Variants in PTK7 observed in about 807,000 individuals in gnomAD.
PTK7 encodes the protein inactive tyrosine-protein kinase 7.
In PTK7, 39 loss-of-function variants were observed where a neutral mutation model predicts 116.6. The ratio of observed to expected loss-of-function variants is 0.33; its 90% CI spans 0.26 to 0.44. The LOEUF (loss-of-function observed/expected upper bound fraction) is 0.44. PTK7 is among the 20% of genes least tolerant of loss of function. PTK7 has a pLI of 1.00. For synonymous variants in PTK7, 546 were observed against 563.6 expected (o/e 0.97, Z 0.44); for missense variants, 1,169 against 1,425.6 (o/e 0.82, Z 2.90).
At position 43,132,715 on chromosome 6, in the gene PTK7, G is replaced by A. The variant is rs1431501463; in HGVS notation, c.1228+28G>A. ...GAGCACCTTTGCCCTGAAGGTCAAG[G>A]AGAGGTGGAGGGGAACACAGGTCTG... is the stretch of plus-strand genomic sequence containing the variant. On this transcript the variant is annotated intron_variant, in intron 7 of 19. Coordinates refer to ENST00000230419, the MANE Select transcript of PTK7 (RefSeq NM_002821.5). The A allele has an allele frequency of 1.5e-5, 24 of 1,552,650 alleles. No homozygotes were observed. In the African/African-American group the frequency reaches 2.2e-4, roughly 14 times the overall value.
intron 1 of PTK7, among the ~76,000 whole-genome samples, chr6:43,114,197 C>T (rs1352069574): frequency 6.6e-6 from 1 of 152,178 alleles, no homozygotes; most frequent in East Asian, 1.9e-4. Flanking sequence ...GTCACGTGTG[C>T]GTGCTGTTTC....
At chr6:43,108,599 ACC>A (rs958576205) in intron 1 of PTK7, among the ~76,000 whole-genome samples, 1 of 149,132 alleles carries the variant, frequency 6.7e-6, no homozygotes, top group African/African-American at 2.5e-5. Context: ...ACGGGGTTTT[ACC>A]GTGTTGCCCA....
chr6:43,125,939 C>G (rs901297011), intron 1 of PTK7, among the ~76,000 whole-genome samples: 6 of 152,120 alleles, frequency 3.9e-5, no homozygotes, highest in African/African-American at 1.4e-4. Flanking sequence ...AGAAGCTGAG[C>G]GAGGAAGTGG....
At position 43,139,166 on chromosome 6, in the gene PTK7, A is replaced by G. The variant is rs1370041910; in HGVS notation, c.1393A>G (p.Thr465Ala). The G allele has an allele frequency of 5.0e-6, 8 of 1,613,978 alleles. No individual in the cohort carries two copies. The highest frequency in any genetic ancestry group is 6.8e-6 in the Non-Finnish European group (8 of 1,180,032). Residue 465 changes from threonine to alanine, a missense_variant, in exon 9 of 20, where the codon ACC (threonine) becomes GCC (alanine). Thr to Ala is a moderately conservative substitution (Grantham distance 58, BLOSUM62 0). This residue lies in a region of PTK7 where 678 missense variants were observed against 853.8 expected (regional missense o/e 0.79). Transcript: ENST00000230419. The surrounding 1 kb of genome is among the most constrained non-coding windows in gnomAD (Gnocchi z 4.6). Reference sequence around the variant, plus strand: ...ACGGTTCGAGGTCTTCAAGAATGGGACCTTGCGCATCAACAGCGTGGAGGT... The same window carrying G: ...ACGGTTCGAGGTCTTCAAGAATGGGGCCTTGCGCATCAACAGCGTGGAGGT... Reference protein sequence around the residue: ...DSRFEVFKNGTLRINSVEVYD... With the variant: ...DSRFEVFKNGALRINSVEVYD...
intron 7 of PTK7, among the ~76,000 whole-genome samples, chr6:43,136,265 G>A (rs1398650064): frequency 1.3e-5 from 2 of 152,042 alleles, no homozygotes; most frequent in Admixed American, 6.6e-5. Flanking sequence ...AACCTGGGAG[G>A]TGGAGGTTGC....
chr6:43,096,666 C>T (rs1767275887), intron 1 of PTK7, among the ~76,000 whole-genome samples: 1 of 152,214 alleles, frequency 6.6e-6, no homozygotes, highest in South Asian at 2.1e-4. Context: ...GCACTTCCTG[C>T]CTTTTGCTGC....
chr6:43,149,719 A>T (rs2150465286), intron 17 of PTK7, among the ~76,000 whole-genome samples: 1 of 152,348 alleles, frequency 6.6e-6, no homozygotes, highest in East Asian at 1.9e-4. Context: ...CATTTTACTC[A>T]TGATCTGGTG....
intron 10 of PTK7, among the ~76,000 whole-genome samples, chr6:43,140,607 G>C (rs1032117541): frequency 6.6e-6 from 1 of 151,822 alleles, no homozygotes; most frequent in Admixed American, 6.6e-5. Flanking sequence ...TACATGATTG[G>C]CTGAGTGTGG....
chr6:43,107,025 C>T (rs1019571712), intron 1 of PTK7, among the ~76,000 whole-genome samples: 4 of 151,824 alleles, frequency 2.6e-5, no homozygotes, highest in Admixed American at 2.0e-4. Context: ...CAGGTTAAAG[C>T]GATTCTCCTG....
intron 10 of PTK7, among the ~76,000 whole-genome samples, chr6:43,140,612 G>C (rs1770341300): frequency 6.6e-6 from 1 of 152,054 alleles, no homozygotes; most frequent in Non-Finnish European, 1.5e-5. Flanking sequence ...GATTGGCTGA[G>C]TGTGGTAGCT....
At chr6:43,148,089 C>CA (rs1770827124) in intron 17 of PTK7, among the ~76,000 whole-genome samples, 1 of 151,852 alleles carries the variant, frequency 6.6e-6, no homozygotes, top group South Asian at 2.1e-4. Context: ...CCTGTCTCTA[C>CA]AAAAAATAAA....
chr6:43,137,145 C>G (rs2150441795), intron 7 of PTK7, among the ~76,000 whole-genome samples: 1 of 152,244 alleles, frequency 6.6e-6, no homozygotes, highest in Non-Finnish European at 1.5e-5. Context: ...GAAGGTCTTG[C>G]AGGGTTTTGA....
chr6:43,078,894 C>T (rs931922748), intron 1 of PTK7, among the ~76,000 whole-genome samples: 8 of 152,236 alleles, frequency 5.3e-5, no homozygotes, highest in African/African-American at 1.7e-4. Flanking sequence ...GAAATTGAGT[C>T]GTCATGTTCT....
chr6:43,104,199 T>C (rs961603950), intron 1 of PTK7, among the ~76,000 whole-genome samples: 1 of 152,034 alleles, frequency 6.6e-6, no homozygotes, highest in Admixed American at 6.6e-5. Context: ...AAGGTAACAG[T>C]AAGGAAAATA....
At chr6:43,131,555 G>A (rs1769682995) in intron 5 of PTK7, among the ~76,000 whole-genome samples, 1 of 152,180 alleles carries the variant, frequency 6.6e-6, no homozygotes. Context: ...GCAAAGGAGA[G>A]AGAGCTTCTG....
At position 43,143,592 on chromosome 6, in the gene PTK7, C is replaced by T. The variant is rs752697480; in HGVS notation, c.2223C>T (p.Gly741=). The change falls in exon 14 of 20, where the codon GGC becomes GGT. Residue 741 remains glycine (G), a synonymous_variant. Coordinates refer to ENST00000230419, the MANE Select transcript of PTK7 (RefSeq NM_002821.5). The surrounding 1 kb of genome is among the most constrained non-coding windows in gnomAD (Gnocchi z 4.2). ...KAKRLQKQPE[G]EEPEMECLNG... ...AGCGGCTGCAGAAGCAGCCCGAGGGCGAGGAGCCAGAGATGGAATGCCTCA... is the reference window on the plus strand; with the variant it reads ...AGCGGCTGCAGAAGCAGCCCGAGGGTGAGGAGCCAGAGATGGAATGCCTCA... The T allele has an allele frequency of 3.7e-6, 6 of 1,612,676 alleles. No individual in the cohort carries two copies. In the Admixed American group the frequency reaches 5.0e-5, roughly 13 times the overall value.
At chr6:43,131,029 TCACA>T (rs3222659) in intron 5 of PTK7, among the ~76,000 whole-genome samples, 10,988 of 133,640 alleles carry the variant, frequency 0.082, 441 homozygotes, top group Middle Eastern at 0.19. Context: ...GGCAAAGACA[TCACA>T]CACACACACA....
chr6:43,099,655 G>A (rs1321036308), intron 1 of PTK7, among the ~76,000 whole-genome samples: 6 of 152,154 alleles, frequency 3.9e-5, no homozygotes, highest in Non-Finnish European at 8.8e-5. Flanking sequence ...TTAAGGAAAT[G>A]TATACTAATA....
intron 1 of PTK7, among the ~76,000 whole-genome samples, chr6:43,124,845 G>A (rs185633290): frequency 1.0e-3 from 158 of 152,314 alleles, no homozygotes; most frequent in African/African-American, 3.7e-3. Flanking sequence ...GGGGCTGGGG[G>A]CTTGGAGCAG....
Sources: gnomAD v4.1 joint callset for allele counts (sites outside exome capture counted in the v4.1 genomes callset) on GRCh38, gnomAD v4.1.1 for gene constraint, gnomAD v4.1.1 regional missense constraint, Gnocchi (gnomAD v3.1) non-coding constraint, MANE v1.5 for transcripts, NCBI Gene and HGNC (gene_info 2026-07-23, HGNC 2026-07-21) for gene names.